The following FLII variants were observed in gnomAD, a reference collection of about 807,000 sequenced individuals.
FLII encodes the protein protein flightless-1 homolog.
A neutral mutation model predicts 156.2 loss-of-function variants in FLII; 101 were observed. The ratio of observed to expected loss-of-function variants is 0.65; its 90% CI spans 0.55 to 0.76. The LOEUF (loss-of-function observed/expected upper bound fraction) is 0.76. Ranked by LOEUF, FLII falls within the 30% of genes least tolerant of loss-of-function variation. FLII has a pLI of 0.00. For synonymous variants in FLII, 767 were observed against 685.8 expected (o/e 1.12, Z -1.85); for missense variants, 1,675 against 1,682.8 (o/e 1.00, Z 0.08).
At chr17:18,247,585 G>C in intron 20 of FLII, 72 bp downstream of exon 20, 1 of 1,378,358 alleles carries the variant, frequency 7.3e-7, no homozygotes, top group Non-Finnish European at 9.7e-7. Flanking sequence ...GGGAGGTAGT[G>C]AAGCCACAGG....
In FLII at chr17:18,251,072, C is replaced by T. The variant is rs887031039; in HGVS notation, c.1597-55G>A. On this transcript the variant is annotated intron_variant, in intron 13 of 29. Transcript: ENST00000327031. ...TTTCATCCTGGTCTTCCGGCCACCC[C>T]GGAGACGCCACTCTGAACAGCACAG... 55 of 1,554,290 alleles carry T rather than the reference C, an allele frequency of 3.5e-5. 1 individual carries two copies. In the African/African-American group the frequency reaches 5.1e-4, roughly 15 times the overall value.
chr17:18,252,813 CAG>C (rs1298354725), intron 9 of FLII, among the ~76,000 whole-genome samples: 4 of 152,254 alleles, frequency 2.6e-5, no homozygotes, highest in African/African-American at 9.6e-5. Flanking sequence ...AGGGTGCTCT[CAG>C]GGGCTCAAGT....
In FLII at chr17:18,256,897, A is replaced by G. The variant is rs1403712148; in HGVS notation, c.174+12T>C. The G allele has an allele frequency of 3.2e-6, 5 of 1,585,098 alleles. No homozygotes were observed. Among genetic ancestry groups the G allele is most frequent in the Non-Finnish European group, 4.3e-6 (5 of 1,161,494 alleles). ...CACAGGGACCCTCCCCTGCCCGCCC[A>G]AACCCCCTTACCAGCTTCTGCAGGG... On this transcript the variant is annotated intron_variant, in intron 2 of 29. Transcript: ENST00000327031.
chr17:18,252,086 C>T lies in FLII; in HGVS notation c.1159G>A (p.Ala387Thr), dbSNP rs1433842806. The T allele has an allele frequency of 1.1e-5, 18 of 1,613,324 alleles. No individual in the cohort carries two copies. Among genetic ancestry groups the T allele is most frequent in the African/African-American group, 2.7e-5 (2 of 74,950 alleles). The change falls in exon 11 of 30, where the codon GCT becomes ACT. Residue 387 changes from alanine to threonine, a missense_variant. Physicochemically the swap from Ala to Thr is moderately conservative, Grantham distance 58. Transcript: ENST00000327031. ...GAGAAGTCGATGTTGTACCACTCAG[C>T]GGCACGGTCTGCGGGCTTGGGCGGC... The part of the protein sequence containing the change: ...VMPPKPADRA[A>T]EWYNIDFSLQ...
rs772714046 is a variant in FLII at position 18,249,383 on chromosome 17, A to G, written c.1802T>C (p.Ile601Thr). ...LQVFDNDISYIEGGTASGFYT... is the reference protein window; with the variant it reads ...LQVFDNDISYTEGGTASGFYT... ...GAAGCCACTGGCTGTTCCACCCTCAATGTAGGAGATGTCGTTGTCAAACAC... is the reference window on the plus strand; with the variant it reads ...GAAGCCACTGGCTGTTCCACCCTCAGTGTAGGAGATGTCGTTGTCAAACAC... The change falls in exon 15 of 30, where the codon ATT becomes ACT. Residue 601 changes from isoleucine to threonine, a missense_variant. Transcript: ENST00000327031. 2.5e-6 allele frequency: 4 copies of G among 1,613,834 alleles called. No individual in the cohort carries two copies. Among genetic ancestry groups the G allele is most frequent in the Non-Finnish European group, 3.4e-6 (4 of 1,179,818 alleles).
chr17:18,254,248 C>T (rs2048351716), intron 6 of FLII, 66 bp from the exon 7 acceptor site: 3 of 1,301,580 alleles, frequency 2.3e-6, no homozygotes, highest in South Asian at 1.4e-5. Flanking sequence ...TGGGGCTTGG[C>T]AGGGCAGGAC....
At position 18,258,706 on chromosome 17, in the gene FLII, G is replaced by T. The variant is rs1213905738; in HGVS notation, c.-16C>A. The T allele has an allele frequency of 2.1e-6, 3 of 1,454,712 alleles. No homozygotes were observed. Among genetic ancestry groups the T allele is most frequent in the Non-Finnish European group, 2.7e-6 (3 of 1,108,880 alleles). 90.1% of individuals were successfully genotyped at this position (1,454,712 alleles called of 1,614,324 possible). ...TGGCCTCCATGGCGCCGCTCTCGCTGCCGGGCCGCGCCGGGCTAGGGAGCG... is the reference window on the plus strand; with the variant it reads ...TGGCCTCCATGGCGCCGCTCTCGCTTCCGGGCCGCGCCGGGCTAGGGAGCG... On this transcript the variant is annotated 5_prime_UTR_variant, in exon 1 of 30. Transcript: ENST00000327031. The surrounding 1 kb of genome is among the most constrained non-coding windows in gnomAD (Gnocchi z 4.2).
In FLII at chr17:18,245,607, C is replaced by T; in HGVS notation, c.3557G>A (p.Cys1186Tyr). Reference protein sequence around the residue: ...FAVTEKCSDFCQDDLADDDIM... With the variant: ...FAVTEKCSDFYQDDLADDDIM... ...GTCATCATCTGCCAGGTCATCTTGG[C>T]AAAAGTCGGAGCATTTCTCAGTCAC... Residue 1186 changes from cysteine to tyrosine, a missense_variant, in exon 28 of 30, where the codon TGC (cysteine) becomes TAC (tyrosine). Transcript: ENST00000327031. The T allele has an allele frequency of 6.2e-7, 1 of 1,613,946 alleles. No homozygotes were observed.
At chr17:18,251,071 C>A (rs552944277) in intron 13 of FLII, 54 bp from the exon 14 acceptor site, 2 of 1,554,862 alleles carry the variant, frequency 1.3e-6, no homozygotes, top group Admixed American at 3.7e-5. Flanking sequence ...TCCGGCCACC[C>A]CGGAGACGCC....
intron 10 of FLII, 30 bp from the exon 11 acceptor site, chr17:18,252,176 T>G (rs757924925): frequency 6.3e-7 from 1 of 1,590,136 alleles, no homozygotes. Flanking sequence ...GAGCCGGCAC[T>G]GAGCCTGGGT....
Position 18,258,629 on chromosome 17 carries a change from T to C in FLII, c.62A>G (p.Lys21Arg). Reference sequence around the variant, plus strand: ...CGGCACGCGCCCGGCCCGGCTCACCTTGAAGTCGTTGCCGCTGAGGTCCAC... The same window carrying C: ...CGGCACGCGCCCGGCCCGGCTCACCCTGAAGTCGTTGCCGCTGAGGTCCAC... ...RGVDLSGNDF[K>R]GGYFPENVKA... The change falls in exon 1 of 30, where the codon AAG becomes AGG. Residue 21 changes from lysine (K) to arginine (R), a missense_variant and splice_region_variant. By Grantham distance (26) the Lys-to-Arg change is conservative (BLOSUM62 2). Coordinates refer to ENST00000327031, the MANE Select transcript of FLII (RefSeq NM_002018.4). The surrounding 1 kb of genome is among the most constrained non-coding windows in gnomAD (Gnocchi z 4.2). 6.4e-7 allele frequency: 1 copy of C among 1,558,860 alleles called. No individual in the cohort carries two copies. Among genetic ancestry groups the C allele is most frequent in the Non-Finnish European group, 8.6e-7 (1 of 1,162,374 alleles).
rs994501377 is a variant in FLII, at chr17:18,250,876, G to A, written c.1738C>T (p.Arg580Trp). Residue 580 changes from arginine (R) to tryptophan (W), a missense_variant, in exon 14 of 30, where the codon CGG becomes TGG. Around this residue, in one of 2 missense-constraint regions of FLII, gnomAD observed 1,332 missense variants for 1,269.3 expected, o/e 1.05. Coordinates refer to ENST00000327031, the MANE Select transcript of FLII (RefSeq NM_002018.4). ...TCGCTCTCATCGCCCATCTCCTCCC[G>A]GACAGTGCGGCACTCAGCACCCAGG... ...NYLGAECRTVREEMGDESEEF... is the reference protein window; with the variant it reads ...NYLGAECRTVWEEMGDESEEF... 3.1e-6 allele frequency: 5 copies of A among 1,613,826 alleles called. No homozygotes were observed. The highest frequency in any genetic ancestry group is 2.7e-5 in the African/African-American group (2 of 74,908).
Position 18,249,217 on chromosome 17 carries a change from G to C in FLII, c.1860-16C>G. On this transcript the variant is annotated splice_polypyrimidine_tract_variant and intron_variant, in intron 15 of 29. Transcript: ENST00000327031. ...ACGATACATCCTGGGCGCAGGGCAA[G>C]AGTGGCTCAGTGTAGGCACCAAGGG... 1 of 1,614,096 alleles carries C rather than the reference G, an allele frequency of 6.2e-7. No individual in the cohort carries two copies. The highest frequency in any genetic ancestry group is 1.1e-5 in the South Asian group (1 of 91,086).
At chr17:18,256,387 C>T (rs1174051418) in intron 3 of FLII, 139 bp downstream of exon 3, 1 of 666,002 alleles carries the variant, frequency 1.5e-6, no homozygotes, top group African/African-American at 1.8e-5. Flanking sequence ...GAGGGCCCCT[C>T]TGTGACACCT....
At chr17:18,247,123 G>GGGGGGGGGGGGGGC in intron 21 of FLII, 46 bp downstream of exon 21, 1 of 1,249,070 alleles carries the variant, frequency 8.0e-7, no homozygotes, top group Non-Finnish European at 1.0e-6. Flanking sequence ...CCCTCGGCCT[G>GGGGGGGGGGGGGGC]CCCCCCACCC....
intron 26 of FLII, 40 bp from the exon 27 acceptor site, chr17:18,245,890 C>T: frequency 2.2e-5 from 35 of 1,614,034 alleles, no homozygotes; most frequent in Non-Finnish European, 3.0e-5. Context: ...CCCTGCCTGC[C>T]CTGGCTCCTC....
chr17:18,258,423 T>C lies in FLII; in HGVS notation c.63+205A>G, dbSNP rs935778266. On this transcript the variant is annotated intron_variant, in intron 1 of 29. Coordinates refer to ENST00000327031, the MANE Select transcript of FLII (RefSeq NM_002018.4). This position sits in a 1 kb window ranked among gnomAD's most constrained non-coding sequence, Gnocchi z 4.2. ...CGAGCCCAAGCGTCCGTCCCCGGCC[T>C]GCCCAGCCTCGGTCTCCCCGTACAG... 1.5e-5 allele frequency: 22 copies of C among 1,446,340 alleles called. No homozygotes were observed. Among genetic ancestry groups the C allele is most frequent in the Non-Finnish European group, 1.9e-5 (21 of 1,083,686 alleles). The allele number at this position is 1,446,340 out of a possible 1,614,324, so 89.6% of individuals were successfully genotyped here. A position where few individuals can be genotyped will look rare whatever the true frequency, so the allele number is the denominator to read the frequency against.
At position 18,252,087 on chromosome 17, in the gene FLII, G is replaced by C; in HGVS notation, c.1158C>G (p.Ala386=). ...LVMPPKPADR[A]AEWYNIDFSL... ...AGAAGTCGATGTTGTACCACTCAGC[G>C]GCACGGTCTGCGGGCTTGGGCGGCA... The change falls in exon 11 of 30, where the codon GCC becomes GCG. Residue 386 remains alanine (A), a synonymous_variant. Transcript: ENST00000327031. The C allele has an allele frequency of 6.2e-7, 1 of 1,613,446 alleles. No individual in the cohort carries two copies. Among genetic ancestry groups the C allele is most frequent in the Non-Finnish European group, 8.5e-7 (1 of 1,180,040 alleles).
chr17:18,258,296 A>T lies in FLII; in HGVS notation c.63+332T>A, dbSNP rs555501214. 28 of 543,514 alleles carry T rather than the reference A, an allele frequency of 5.2e-5. No homozygotes were observed. The highest frequency in any genetic ancestry group is 1.6e-4 in the Admixed American group (4 of 24,980). The allele number at this position is 543,514 out of a possible 1,614,324, so 33.7% of individuals were successfully genotyped here. ...GGGCCTGGCTTGGGCGTGTGACCTC[A>T]GAGGGGCGGGGAGGCTCGCCCGATC... is the stretch of plus-strand genomic sequence containing the variant. On this transcript the variant is annotated intron_variant, in intron 1 of 29. Transcript: ENST00000327031. This position sits in a 1 kb window ranked among gnomAD's most constrained non-coding sequence, Gnocchi z 4.2.
Sources: gnomAD v4.1 joint callset for allele counts (sites outside exome capture counted in the v4.1 genomes callset) on GRCh38, gnomAD v4.1.1 for gene constraint, gnomAD v4.1.1 regional missense constraint, Gnocchi (gnomAD v3.1) non-coding constraint, MANE v1.5 for transcripts, NCBI Gene and HGNC (gene_info 2026-07-23, HGNC 2026-07-21) for gene names.